EMG1: variants seen among roughly 807,000 people sequenced by gnomAD.
The protein encoded by EMG1 is ribosomal RNA small subunit methyltransferase NEP1.
EMG1 carries 24 observed loss-of-function variants against 26.9 expected under a neutral mutation model. The observed-to-expected ratio is 0.89, with a 90% CI of 0.65 to 1.26. The LOEUF (loss-of-function observed/expected upper bound fraction) is 1.26, where lower values mean the gene tolerates loss of function less well. EMG1 is among the 50% of genes most tolerant of loss of function. The pLI is 0.00. For missense variants in EMG1, 299 were observed against 307.6 expected, an observed-to-expected ratio of 0.97 and a Z score of 0.21; for synonymous variants, 140 against 112.6, an observed-to-expected ratio of 1.24 and a Z score of -1.54.
downstream of EMG1, chr12:6,982,944 TAAAA>T (rs1946485754): frequency 3.0e-6 from 2 of 664,266 alleles, no homozygotes; most frequent in Non-Finnish European, 5.4e-6. Context: ...TTTATTAAAA[TAAAA>T]AAGATTATTA....
downstream of EMG1, among the ~76,000 whole-genome samples, chr12:6,990,929 A>G (rs1330740211): frequency 6.6e-6 from 1 of 151,518 alleles, no homozygotes; most frequent in Non-Finnish European, 1.5e-5. Flanking sequence ...AAAAAAAAAA[A>G]AAAGGAAGAA....
chr12:6,975,999 A>T lies in EMG1; in HGVS notation c.*190A>T. ...CAAACCTGGTTGTTTTGGGGTTCCTAAAGTATCCAGTGGTGTAAAACTGTT... is the reference window on the plus strand; with the variant it reads ...CAAACCTGGTTGTTTTGGGGTTCCTTAAGTATCCAGTGGTGTAAAACTGTT... On this transcript the variant is annotated 3_prime_UTR_variant, in exon 6 of 6. Coordinates refer to ENST00000599672, the MANE Select transcript of EMG1 (RefSeq NM_006331.8). 1 of 559,700 alleles carries T rather than the reference A, an allele frequency of 1.8e-6. No individual in the cohort carries two copies. Among genetic ancestry groups the T allele is most frequent in the Non-Finnish European group, 3.2e-6 (1 of 313,584 alleles). The allele number at this position is 559,700 out of a possible 1,614,324, so 34.7% of individuals were successfully genotyped here.
At position 6,975,378 on chromosome 12, in the gene EMG1, G is replaced by A. The variant is rs1946382231; in HGVS notation, c.621G>A (p.Lys207=). 1.3e-6 allele frequency: 2 copies of A among 1,593,418 alleles called. No homozygotes were observed. Among genetic ancestry groups the A allele is most frequent in the Non-Finnish European group, 1.7e-6 (2 of 1,169,192 alleles). Residue 207 remains lysine (K), a splice_region_variant and synonymous_variant, in exon 5 of 6, where the codon AAG becomes AAA. Transcript: ENST00000599672. ...VFVVGAFAHG[K]VSVEYTEKMV... The stretch of plus-strand genomic sequence containing the variant: ...TGGTAGGGGCCTTTGCCCATGGCAA[G>A]GTAAGGTCTGGGCTCAACCCTGAAA...
intron 6 of EMG1, among the ~76,000 whole-genome samples, chr12:6,986,726 T>C (rs1946529537): frequency 7.3e-6 from 1 of 137,916 alleles, no homozygotes; most frequent in Admixed American, 8.4e-5. Flanking sequence ...GAGGTTGCAG[T>C]GAGCAGAGAT....
intron 7 of EMG1, among the ~76,000 whole-genome samples, chr12:6,996,907 G>A (rs1020670514): frequency 1.3e-5 from 2 of 152,144 alleles, no homozygotes; most frequent in Admixed American, 6.5e-5. Flanking sequence ...GGAGCATGGG[G>A]CATTCACTCC....
At chr12:6,985,338 G>T (rs1327545886) in intron 6 of EMG1, among the ~76,000 whole-genome samples, 6 of 152,022 alleles carry the variant, frequency 3.9e-5, no homozygotes, top group Non-Finnish European at 7.4e-5. Flanking sequence ...GGAGCTTGCA[G>T]TGAGCTGAGA....
intron 1 of EMG1, among the ~76,000 whole-genome samples, chr12:6,973,599 G>T (rs1256587509): frequency 6.6e-6 from 1 of 151,682 alleles, no homozygotes; most frequent in Non-Finnish European, 1.5e-5. Context: ...TCTGTTGCCC[G>T]GGCTGGAGTG....
rs965257672 is a variant in EMG1, at chr12:6,977,952, G to A, written c.*2143G>A. On this transcript the variant is annotated 3_prime_UTR_variant, in exon 6 of 6. Coordinates refer to ENST00000599672, the MANE Select transcript of EMG1 (RefSeq NM_006331.8). This position sits in a 1 kb window ranked among gnomAD's most constrained non-coding sequence, Gnocchi z 4.5. The stretch of plus-strand genomic sequence containing the variant: ...GCGGAGCTGGAGACCGTGTGCGCAC[G>A]AGCCACTTGGTTCAGCAGCAGTGAC... 1.0e-5 allele frequency: 6 copies of A among 600,992 alleles called. No individual in the cohort carries two copies. Among genetic ancestry groups the A allele is most frequent in the Admixed American group, 3.0e-5 (1 of 33,076 alleles). 37.2% of individuals were successfully genotyped at this position (600,992 alleles called of 1,614,324 possible).
exon 8 of EMG1, chr12:6,988,226 G>C (rs1370968633): frequency 6.2e-6 from 1 of 161,088 alleles, no homozygotes; most frequent in East Asian, 1.7e-4. Context: ...TTGCACACTA[G>C]CAAACACATG....
chr12:6,978,170 T>G lies in EMG1; in HGVS notation c.*2361T>G. 3 of 724,334 alleles carry G rather than the reference T, an allele frequency of 4.1e-6. No individual in the cohort carries two copies. Among genetic ancestry groups the G allele is most frequent in the Non-Finnish European group, 4.5e-6 (2 of 448,944 alleles). The allele number at this position is 724,334 out of a possible 1,614,324, so 44.9% of individuals were successfully genotyped here. ...GCCTTTTTTTCAAATATGACAGTAATGGTTTTTTTGGGAGGGGGGTATAGG... is the reference window on the plus strand; with the variant it reads ...GCCTTTTTTTCAAATATGACAGTAAGGGTTTTTTTGGGAGGGGGGTATAGG... On this transcript the variant is annotated 3_prime_UTR_variant, in exon 6 of 6. Coordinates refer to ENST00000599672, the MANE Select transcript of EMG1 (RefSeq NM_006331.8).
At chr12:6,990,798 T>C (rs781843438), downstream of EMG1, among the ~76,000 whole-genome samples, 1 of 148,688 alleles carries the variant, frequency 6.7e-6, no homozygotes, top group South Asian at 2.1e-4. Flanking sequence ...GCGCCTGTGA[T>C]CCCAGCTACT....
At position 6,979,889 on chromosome 12, in the gene EMG1, G is replaced by A. The variant is rs192494182; in HGVS notation, c.*4080G>A. 2.4e-4 allele frequency: 77 copies of A among 316,476 alleles called. No homozygotes were observed. Among genetic ancestry groups the A allele is most frequent in the African/African-American group, 1.4e-3 (67 of 47,102 alleles). The allele number at this position is 316,476 out of a possible 1,614,324, so 19.6% of individuals were successfully genotyped here. ...TTGCCAGGTCTCACAATCTCCATTGGGACTGAAAACCCAGTGGAGGTAAGA... is the reference window on the plus strand; with the variant it reads ...TTGCCAGGTCTCACAATCTCCATTGAGACTGAAAACCCAGTGGAGGTAAGA... On this transcript the variant is annotated 3_prime_UTR_variant, in exon 6 of 6. Coordinates refer to ENST00000599672, the MANE Select transcript of EMG1 (RefSeq NM_006331.8).
chr12:6,974,350 A>C lies in EMG1; in HGVS notation c.180A>C (p.Thr60=), dbSNP rs910414704. The C allele has an allele frequency of 6.2e-7, 1 of 1,612,242 alleles. No homozygotes were observed. The highest frequency in any genetic ancestry group is 1.7e-5 in the Admixed American group (1 of 59,870). ...TCCCTGTTCTTCAGGTAGGGAAGAC[A>C]TATGAGCTACTCAACTGTGACAAGC... ...ASLETVKVGK[T]YELLNCDKHK... Residue 60 remains threonine (T), a synonymous_variant, in exon 2 of 6, where the codon ACA becomes ACC. Coordinates refer to ENST00000599672, the MANE Select transcript of EMG1 (RefSeq NM_006331.8).
At chr12:6,973,567 T>C (rs1565593753) in intron 1 of EMG1, among the ~76,000 whole-genome samples, 1 of 152,126 alleles carries the variant, frequency 6.6e-6, no homozygotes, top group Non-Finnish European at 1.5e-5. Flanking sequence ...TCACATTTCT[T>C]TTTTTTGAGA....
In EMG1 at chr12:6,977,681, A is replaced by G; in HGVS notation, c.*1872A>G. ...TGCAGGCCGTGCCAGAGGGCCAGGA[A>G]TAGCAACGAGAGACCCTGAGAGAGT... On this transcript the variant is annotated 3_prime_UTR_variant, in exon 6 of 6. Coordinates refer to ENST00000599672, the MANE Select transcript of EMG1 (RefSeq NM_006331.8). The surrounding 1 kb of genome is among the most constrained non-coding windows in gnomAD (Gnocchi z 4.5). 6.2e-7 allele frequency: 1 copy of G among 1,614,232 alleles called. No homozygotes were observed. Among genetic ancestry groups the G allele is most frequent in the Non-Finnish European group, 8.5e-7 (1 of 1,180,032 alleles).
chr12:6,971,010 GC>G lies in EMG1; in HGVS notation c.91del (p.Arg31AspfsTer2), dbSNP rs1555152139. ...ACTGGGATGCTCTGCCACCCAAGCGGCCCCGACTAGGGGCAGGAAACAAGAT... is the reference window on the plus strand; with the variant it reads ...ACTGGGATGCTCTGCCACCCAAGCGGCCCGACTAGGGGCAGGAAACAAGAT... ...QDWDALPPKR[P>X]RLGAGNKIGG... On this transcript the variant is annotated frameshift_variant, in exon 1 of 6. Transcript: ENST00000599672. LOFTEE classifies it high-confidence loss of function. The G allele has an allele frequency of 6.2e-7, 1 of 1,611,830 alleles. No individual in the cohort carries two copies. The highest frequency in any genetic ancestry group is 8.5e-7 in the Non-Finnish European group (1 of 1,178,930).
rs1946421993 is a variant in EMG1, at chr12:6,977,571, C to T, written c.*1762C>T. On this transcript the variant is annotated 3_prime_UTR_variant, in exon 6 of 6. Transcript: ENST00000599672. This position sits in a 1 kb window ranked among gnomAD's most constrained non-coding sequence, Gnocchi z 4.5. ...CATCAGCATCTTGTCCCTTATATTC[C>T]CCTTCACCCCCACCCTGGAGGCCTA... is the stretch of plus-strand genomic sequence containing the variant. The T allele has an allele frequency of 1.2e-6, 2 of 1,614,142 alleles. No homozygotes were observed. The highest frequency in any genetic ancestry group is 1.7e-4 in the Middle Eastern group (1 of 6,060).
At chr12:6,988,150 G>A in intron 7 of EMG1, 1 of 227,416 alleles carries the variant, frequency 4.4e-6, no homozygotes, top group East Asian at 8.6e-5. Context: ...GGCCTTGTGT[G>A]CTATTTCTTG....
chr12:6,980,548 GTCTC>G (rs140370744), downstream of EMG1, among the ~76,000 whole-genome samples: 1 of 151,686 alleles, frequency 6.6e-6, no homozygotes, highest in South Asian at 2.1e-4. Flanking sequence ...TAGAGACAGA[GTCTC>G]TCTATGTTGC....
Sources: gnomAD v4.1 joint callset for allele counts (sites outside exome capture counted in the v4.1 genomes callset) on GRCh38, gnomAD v4.1.1 for gene constraint, Gnocchi (gnomAD v3.1) non-coding constraint, MANE v1.5 for transcripts, NCBI Gene and HGNC (gene_info 2026-07-23, HGNC 2026-07-21) for gene names.